EYA1: variants seen among roughly 807,000 people sequenced by gnomAD.
The protein encoded by EYA1 is protein phosphatase EYA1.
In EYA1, 16 loss-of-function variants were observed where a neutral mutation model predicts 82.0. That is an observed-to-expected ratio of 0.20 (90% CI 0.13 to 0.30). The LOEUF (loss-of-function observed/expected upper bound fraction) is 0.30. Ranked by LOEUF, EYA1 falls within the 10% of genes least tolerant of loss-of-function variation. EYA1 has a pLI of 1.00. For synonymous variants in EYA1, 261 were observed against 264.4 expected (o/e 0.99, Z 0.12); for missense variants, 633 against 730.7 (o/e 0.87, Z 1.54).
chr8:71,356,900 C>G (rs577448279), intron 1 of EYA1, among the ~76,000 whole-genome samples: 11 of 152,306 alleles, frequency 7.2e-5, no homozygotes, highest in African/African-American at 2.4e-4. Context: ...AGCAATAGTT[C>G]AAGCAGTAAT....
chr8:71,521,295 C>A (rs1482339842), intron 2 of EYA1, among the ~76,000 whole-genome samples: 1 of 152,062 alleles, frequency 6.6e-6, no homozygotes, highest in African/African-American at 2.4e-5. Flanking sequence ...CAATACCACT[C>A]ACATTTCAGT....
intron 2 of EYA1, among the ~76,000 whole-genome samples, chr8:71,448,261 T>C (rs1456776718): frequency 6.6e-6 from 1 of 152,188 alleles, no homozygotes; most frequent in Non-Finnish European, 1.5e-5. Context: ...ACTAGGCTGA[T>C]GTAATATTCT....
At chr8:71,216,538 G>A (rs1809223237) in intron 14 of EYA1, among the ~76,000 whole-genome samples, 154 bp downstream of exon 14, 1 of 152,168 alleles carries the variant, frequency 6.6e-6, no homozygotes, top group African/African-American at 2.4e-5. Context: ...CAATATTTCT[G>A]TCACTAAATC....
chr8:71,281,183 T>TC (rs142728193), intron 9 of EYA1, among the ~76,000 whole-genome samples: 2,327 of 152,306 alleles, frequency 0.015, 59 homozygotes, highest in African/African-American at 0.053. Flanking sequence ...CCCATACTAC[T>TC]CTTTACCTTT....
rs540018508 is a variant in EYA1 at position 71,382,142 on chromosome 8, C to T, written c.34-25631G>A. On this transcript the variant is annotated intron_variant, in intron 2 of 18. Coordinates refer to the EYA1 transcript ENST00000643681. ...ATAAAACTAGACATTTTAGTAGAAC[C>T]GCAGATGAATTACATAATATTTATA... Among the ~76,000 whole-genome samples the T allele has an allele frequency of 1.8e-4, 28 of 151,824 alleles. No homozygotes were observed. In the East Asian group the frequency reaches 3.5e-3, roughly 19 times the overall value.
At chr8:71,377,590 T>C (rs1828449699) in intron 2 of EYA1, among the ~76,000 whole-genome samples, 1 of 152,236 alleles carries the variant, frequency 6.6e-6, no homozygotes, top group Non-Finnish European at 1.5e-5. Flanking sequence ...AAAATGTATA[T>C]AACATAAAAT....
chr8:71,248,015 G>T (rs573770597), intron 11 of EYA1, among the ~76,000 whole-genome samples: 15 of 152,124 alleles, frequency 9.9e-5, no homozygotes, highest in Non-Finnish European at 1.9e-4. Context: ...ACCATTGAAA[G>T]AATTACTCTA....
At chr8:71,337,891 G>A (rs1053198811) in intron 3 of EYA1, among the ~76,000 whole-genome samples, 4 of 152,162 alleles carry the variant, frequency 2.6e-5, no homozygotes, top group African/African-American at 9.7e-5. Flanking sequence ...GCATCTAACA[G>A]CATGAATCTG....
intron 17 of EYA1, among the ~76,000 whole-genome samples, chr8:71,208,157 G>T (rs1012965413): frequency 6.5e-4 from 98 of 151,738 alleles, no homozygotes; most frequent in African/African-American, 2.2e-3. Flanking sequence ...AACTGGCCGG[G>T]CACAGTGGCT....
At chr8:71,476,934 C>T (rs181851420) in intron 2 of EYA1, among the ~76,000 whole-genome samples, 1 of 151,650 alleles carries the variant, frequency 6.6e-6, no homozygotes. Flanking sequence ...ACATCTAGGT[C>T]GATTTTTTTT....
At chr8:71,231,434 T>C (rs1054114878) in intron 12 of EYA1, among the ~76,000 whole-genome samples, 1 of 152,174 alleles carries the variant, frequency 6.6e-6, no homozygotes, top group Admixed American at 6.5e-5. Flanking sequence ...CAGGCTCTGT[T>C]CCTAAATGTC....
At chr8:71,452,207 C>T (rs914311512) in intron 2 of EYA1, among the ~76,000 whole-genome samples, 5 of 152,196 alleles carry the variant, frequency 3.3e-5, no homozygotes, top group African/African-American at 9.7e-5. Flanking sequence ...TGCAAGGCAG[C>T]GGCAAGGCTG....
chr8:71,306,516 C>T (rs1820754585), intron 7 of EYA1, among the ~76,000 whole-genome samples: 1 of 152,038 alleles, frequency 6.6e-6, no homozygotes, highest in Admixed American at 6.6e-5. Context: ...CCTGGAGATG[C>T]CACTCGGGGT....
Position 71,515,353 on chromosome 8 carries a change from A to G in EYA1, c.33+20391T>C, listed in dbSNP as rs539978881. 4.7e-3 allele frequency among the ~76,000 whole-genome samples: 714 copies of G among 152,150 alleles called. 6 individuals carry two copies. The highest frequency in any genetic ancestry group is 0.016 in the African/African-American group (671 of 41,516). On this transcript the variant is annotated intron_variant, in intron 2 of 18. Transcript: ENST00000643681. ...TAGTCTCTCCAGTTCTCTGCCTCCC[A>G]ATTTCTGGACCCCAACTCTAAGAGA...
intron 2 of EYA1, among the ~76,000 whole-genome samples, chr8:71,394,976 G>A (rs62507398): frequency 0.029 from 4,459 of 152,166 alleles, 95 homozygotes; most frequent in Non-Finnish European, 0.044. Flanking sequence ...GTTGAGCAGT[G>A]GTTTGTAGTT....
At chr8:71,545,165 C>T (rs79663385) in intron 1 of EYA1, among the ~76,000 whole-genome samples, 12,960 of 152,282 alleles carry the variant, frequency 0.085, 720 homozygotes, top group Middle Eastern at 0.21. Context: ...ATTAACCAGT[C>T]TGAACCTGCT....
At chr8:71,458,924 A>G (rs953352966) in intron 2 of EYA1, among the ~76,000 whole-genome samples, 8 of 152,180 alleles carry the variant, frequency 5.3e-5, no homozygotes, top group African/African-American at 1.9e-4. Flanking sequence ...AAGAAAACAC[A>G]CAGAAATACA....
chr8:71,534,764 T>C (rs1488236784), intron 2 of EYA1, among the ~76,000 whole-genome samples: 1 of 151,058 alleles, frequency 6.6e-6, no homozygotes, highest in Non-Finnish European at 1.5e-5. Flanking sequence ...GGGCTGGGGG[T>C]GAGGGGAAGG....
intron 2 of EYA1, among the ~76,000 whole-genome samples, chr8:71,402,243 G>GTT (rs1440055985): frequency 1.3e-5 from 2 of 152,102 alleles, no homozygotes; most frequent in African/African-American, 4.8e-5. Context: ...TTAGAGGCAG[G>GTT]TTTTTTTCCC....
Sources: allele counts gnomAD v4.1 joint callset (sites outside exome capture counted in the v4.1 genomes callset), GRCh38; gene constraint gnomAD v4.1.1; transcripts MANE v1.5; gene names NCBI Gene and HGNC (gene_info 2026-07-23, HGNC 2026-07-21).